WDR17: variants seen among roughly 807,000 people sequenced by gnomAD.
WDR17 encodes the protein WD repeat domain 17.
In WDR17, 143 loss-of-function variants were observed where a neutral mutation model predicts 161.7. The observed-to-expected ratio is 0.88, with a 90% CI of 0.77 to 1.02. The LOEUF is 1.02. Among genes scored for constraint, WDR17 ranks in the 50% least tolerant of loss-of-function variants. WDR17 has a pLI of 0.00. For missense variants in WDR17, 1,469 were observed against 1,520.9 expected, an observed-to-expected ratio of 0.97 and a Z score of 0.57; for synonymous variants, 517 against 515.6, an observed-to-expected ratio of 1.00 and a Z score of -0.04.
chr4:176,169,210 AG>A (rs1750344054), intron 23 of WDR17, among the ~76,000 whole-genome samples: 1 of 152,240 alleles, frequency 6.6e-6, no homozygotes, highest in African/African-American at 2.4e-5. Flanking sequence ...AATCCTTAAA[AG>A]AATTAATGAA....
intron 1 of WDR17, among the ~76,000 whole-genome samples, chr4:176,072,699 A>AT (rs1733396143): frequency 6.6e-6 from 1 of 152,136 alleles, no homozygotes; most frequent in African/African-American, 2.4e-5. Context: ...GAGAAGACAT[A>AT]TTTTTTGCAT....
chr4:176,180,788 T>C lies in WDR17; in HGVS notation c.*1209T>C, dbSNP rs1486230458. The C allele has an allele frequency of 6.6e-6, 1 of 152,216 alleles. No individual in the cohort carries two copies. The highest frequency in any genetic ancestry group is 1.5e-5 in the Non-Finnish European group (1 of 68,040). 9.4% of individuals were successfully genotyped at this position (152,216 alleles called of 1,614,324 possible). On this transcript the variant is annotated 3_prime_UTR_variant, in exon 29 of 29. Transcript: ENST00000508596. Reference sequence around the variant, plus strand: ...TAAATGTTTGTAAATAGATATTGGTTGAATTTTTGGATATATTATGTTGAT... The same window carrying C: ...TAAATGTTTGTAAATAGATATTGGTCGAATTTTTGGATATATTATGTTGAT...
intron 23 of WDR17, among the ~76,000 whole-genome samples, chr4:176,171,798 T>A (rs1475440717): frequency 6.6e-6 from 1 of 151,968 alleles, no homozygotes; most frequent in Admixed American, 6.6e-5. Context: ...GGAATGTGGC[T>A]TTTTATTTTA....
chr4:176,163,126 T>G (rs1490832503), intron 21 of WDR17, 28 bp from the exon 22 acceptor site: 2 of 1,613,972 alleles, frequency 1.2e-6, no homozygotes, highest in Non-Finnish European at 1.7e-6. Context: ...TCTATGCAAC[T>G]GAAGAAATTA....
Position 176,180,914 on chromosome 4 carries a change from T to C in WDR17, c.*1335T>C, listed in dbSNP as rs891904480. On this transcript the variant is annotated 3_prime_UTR_variant, in exon 29 of 29. Transcript: ENST00000508596. ...ACTAGAATTCTGACTTTGAAACTTA[T>C]TAAATTAATGCATACTGGAAGTACT... is the stretch of plus-strand genomic sequence containing the variant. 3 of 152,194 alleles carry C rather than the reference T, an allele frequency of 2.0e-5. No individual in the cohort carries two copies. Among genetic ancestry groups the C allele is most frequent in the African/African-American group, 7.2e-5 (3 of 41,450 alleles). The allele number at this position is 152,194 out of a possible 1,614,324, so 9.4% of individuals were successfully genotyped here. A position where few individuals can be genotyped will look rare whatever the true frequency, so the allele number is the denominator to read the frequency against.
chr4:176,167,401 C>A (rs1271037099), intron 22 of WDR17, among the ~76,000 whole-genome samples: 1 of 151,734 alleles, frequency 6.6e-6, no homozygotes, highest in South Asian at 2.1e-4. Context: ...AATCCCAGCA[C>A]TTTGGGAGGC....
At chr4:176,148,389 C>T in intron 13 of WDR17, 54 bp downstream of exon 13, 1 of 1,469,526 alleles carries the variant, frequency 6.8e-7, no homozygotes, top group Non-Finnish European at 9.4e-7. Context: ...ACTAATGATG[C>T]TTATAACTTC....
rs775259990 is a variant in WDR17, at chr4:176,119,916, A to G, written c.357A>G (p.Ala119=). Residue 119 remains alanine (A), a synonymous_variant, in exon 4 of 29, where the codon GCA becomes GCG. Transcript: ENST00000508596. ...SWCWNAEDVV[A]FVSHRGPLFI... Reference sequence around the variant, plus strand: ...GCTGGAATGCAGAGGATGTGGTGGCATTTGTTTCCCACAGAGGCCCACTGT... The same window carrying G: ...GCTGGAATGCAGAGGATGTGGTGGCGTTTGTTTCCCACAGAGGCCCACTGT... The G allele has an allele frequency of 1.9e-6, 3 of 1,614,058 alleles. No homozygotes were observed. The highest frequency in any genetic ancestry group is 2.5e-6 in the Non-Finnish European group (3 of 1,180,004).
At chr4:176,105,091 A>G (rs1738489472) in intron 1 of WDR17, among the ~76,000 whole-genome samples, 1 of 152,002 alleles carries the variant, frequency 6.6e-6, no homozygotes, top group Admixed American at 6.6e-5. Flanking sequence ...CCCTATATTA[A>G]TATTAGATGA....
chr4:176,140,339 C>T (rs989489178), intron 10 of WDR17, among the ~76,000 whole-genome samples: 3 of 151,980 alleles, frequency 2.0e-5, no homozygotes, highest in Non-Finnish European at 4.4e-5. Context: ...GGTGATTCAG[C>T]ATATATTAAG....
At chr4:176,120,315 T>C (rs1368990468) in intron 4 of WDR17, among the ~76,000 whole-genome samples, 1 of 134,486 alleles carries the variant, frequency 7.4e-6, no homozygotes, top group Non-Finnish European at 1.6e-5. Context: ...TATATATATA[T>C]ATATAATACA....
At chr4:176,113,436 T>C (rs1241205597) in intron 2 of WDR17, among the ~76,000 whole-genome samples, 1 of 152,052 alleles carries the variant, frequency 6.6e-6, no homozygotes, top group Admixed American at 6.6e-5. Context: ...ATAAACAATG[T>C]ACATGAAAGT....
chr4:176,155,716 A>AATAT (rs113370958), intron 17 of WDR17, among the ~76,000 whole-genome samples: 2,261 of 130,238 alleles, frequency 0.017, 30 homozygotes, highest in Non-Finnish European at 0.022. Flanking sequence ...GACTAATTAA[A>AATAT]ATATATATAT....
At position 176,141,974 on chromosome 4, in the gene WDR17, T is replaced by C. The variant is rs1745346435; in HGVS notation, c.1443-9T>C. ...TGTTTTTCTATTAACATATTATAAT[T>C]AATTCTAGTATTATTCGAACAATTG... is the stretch of plus-strand genomic sequence containing the variant. On this transcript the variant is annotated splice_polypyrimidine_tract_variant and intron_variant, in intron 10 of 28. Coordinates refer to ENST00000508596, the MANE Select transcript of WDR17 (RefSeq NM_181265.4). The C allele has an allele frequency of 3.8e-6, 6 of 1,563,006 alleles. No individual in the cohort carries two copies. In the East Asian group the frequency reaches 1.4e-4, roughly 35 times the overall value.
intron 17 of WDR17, 82 bp from the exon 18 acceptor site, chr4:176,155,997 C>A: frequency 8.2e-7 from 1 of 1,215,108 alleles, no homozygotes; most frequent in South Asian, 1.4e-5. Context: ...TTATAAATAC[C>A]AATCTATTTT....
rs745704733 is a variant in WDR17, at chr4:176,146,157, T to G, written c.1692T>G (p.Asp564Glu). Residue 564 changes from aspartate to glutamate, a missense_variant and splice_region_variant, in exon 12 of 29, where the codon GAT becomes GAG. Asp to Glu is a conservative substitution (Grantham distance 45). Coordinates refer to ENST00000508596, the MANE Select transcript of WDR17 (RefSeq NM_181265.4). ...REGILCSGSD[D>E]GTVRIWDYTQ... ...GAATTCTTTGCAGTGGTTCTGATGA[T>G]GGGTATGTATTTTTGGATTCTAATT... The G allele has an allele frequency of 6.2e-7, 1 of 1,610,820 alleles. No homozygotes were observed. Among genetic ancestry groups the G allele is most frequent in the Admixed American group, 1.7e-5 (1 of 59,438 alleles).
chr4:176,134,553 A>T (rs1482583146), intron 7 of WDR17, among the ~76,000 whole-genome samples: 1 of 151,708 alleles, frequency 6.6e-6, no homozygotes, highest in Non-Finnish European at 1.5e-5. Context: ...CAAAGAATAG[A>T]CTTGCTAGAA....
At chr4:176,127,884 A>T (rs888577979) in intron 5 of WDR17, among the ~76,000 whole-genome samples, 4 of 152,194 alleles carry the variant, frequency 2.6e-5, no homozygotes, top group African/African-American at 9.6e-5. Flanking sequence ...TGGACATTTC[A>T]TATAAATGGA....
At chr4:176,083,619 TTATAAA>T (rs1295194008) in intron 1 of WDR17, among the ~76,000 whole-genome samples, 2 of 152,160 alleles carry the variant, frequency 1.3e-5, no homozygotes, top group East Asian at 1.9e-4. Context: ...AGTTTATACT[TTATAAA>T]TAGAAATACT....
Sources: allele counts gnomAD v4.1 joint callset (sites outside exome capture counted in the v4.1 genomes callset), GRCh38; gene constraint gnomAD v4.1.1; transcripts MANE v1.5; gene names NCBI Gene and HGNC (gene_info 2026-07-23, HGNC 2026-07-21).